Variants in WARS2 observed in about 807,000 individuals in gnomAD.
WARS2 encodes the protein tryptophan--tRNA ligase, mitochondrial.
A neutral mutation model predicts 36.5 loss-of-function variants in WARS2; 28 were observed. The ratio of observed to expected loss-of-function variants is 0.77; its 90% CI spans 0.57 to 1.05. The LOEUF (loss-of-function observed/expected upper bound fraction) is 1.05. Among genes scored for constraint, WARS2 ranks in the 50% least tolerant of loss-of-function variants. WARS2 has a pLI of 0.00. For missense variants in WARS2, 435 were observed against 456.8 expected, an observed-to-expected ratio of 0.95 and a Z score of 0.44; for synonymous variants, 174 against 178.4, an observed-to-expected ratio of 0.98 and a Z score of 0.20.
intron 2 of WARS2, among the ~76,000 whole-genome samples, chr1:119,066,442 C>T (rs1183831180): frequency 1.5e-5 from 2 of 137,180 alleles, no homozygotes; most frequent in Non-Finnish European, 3.0e-5. Flanking sequence ...CATGCCATTG[C>T]ACTCCAGCAT....
chr1:119,075,453 T>A (rs954647512), intron 2 of WARS2, among the ~76,000 whole-genome samples: 1 of 152,186 alleles, frequency 6.6e-6, no homozygotes, highest in Admixed American at 6.6e-5. Flanking sequence ...ATCATTATAC[T>A]CTTTTCGTTT....
intron 1 of WARS2, among the ~76,000 whole-genome samples, chr1:119,139,008 C>A (rs1293193405): frequency 1.3e-5 from 2 of 152,086 alleles, no homozygotes. Flanking sequence ...TTCTCTCTCT[C>A]TTTGATTCTC....
In WARS2 at chr1:119,120,149, G is replaced by A. The variant is rs753856680; in HGVS notation, c.90+20406C>T. Among the ~76,000 whole-genome samples, 7 of 151,752 alleles carry A rather than the reference G, an allele frequency of 4.6e-5. No individual in the cohort carries two copies. In the East Asian group the frequency reaches 5.8e-4, roughly 13 times the overall value. On this transcript the variant is annotated intron_variant, in intron 1 of 5. Transcript: ENST00000235521. ...GTTCTTTGAAAAGATAAACAAAATCGATACACATTAGTGAGATTAACCAAG... is the reference window on the plus strand; with the variant it reads ...GTTCTTTGAAAAGATAAACAAAATCAATACACATTAGTGAGATTAACCAAG...
intron 1 of WARS2, among the ~76,000 whole-genome samples, chr1:119,128,569 A>ACCCCCCCCCCCCCC (rs1655852001): frequency 1.3e-5 from 1 of 74,588 alleles, no homozygotes; most frequent in African/African-American, 5.2e-5. Flanking sequence ...AACATTCCCC[A>ACCCCCCCCCCCCCC]CCACCCACCC....
chr1:119,094,005 G>A (rs1653243709), intron 1 of WARS2, among the ~76,000 whole-genome samples: 1 of 152,192 alleles, frequency 6.6e-6, no homozygotes, highest in Non-Finnish European at 1.5e-5. Context: ...TAGTAGTGCT[G>A]AGAGGCAGGA....
At chr1:119,091,234 A>G (rs147738134) in intron 1 of WARS2, among the ~76,000 whole-genome samples, 1 of 152,338 alleles carries the variant, frequency 6.6e-6, no homozygotes, top group Non-Finnish European at 1.5e-5. Context: ...ATTGAGGTTA[A>G]TGGTAATAAT....
chr1:119,129,608 G>A (rs912025340), intron 1 of WARS2, among the ~76,000 whole-genome samples: 2 of 152,094 alleles, frequency 1.3e-5, no homozygotes, highest in Non-Finnish European at 2.9e-5. Context: ...TACGCAGGAA[G>A]CTGAGTATCA....
At chr1:119,056,852 C>A (rs183906364) in intron 2 of WARS2, among the ~76,000 whole-genome samples, 83 of 152,114 alleles carry the variant, frequency 5.5e-4, no homozygotes, top group Middle Eastern at 3.4e-3. Context: ...TTTTATACAA[C>A]TCTTTTTGTA....
intron 2 of WARS2, among the ~76,000 whole-genome samples, chr1:119,071,687 T>C (rs1215710572): frequency 1.3e-5 from 2 of 152,272 alleles, no homozygotes; most frequent in South Asian, 2.1e-4. Context: ...AATGGGAAGA[T>C]GTTGGTCAAA....
At chr1:119,104,682 C>T (rs587657022) in intron 1 of WARS2, among the ~76,000 whole-genome samples, 3 of 147,946 alleles carry the variant, frequency 2.0e-5, no homozygotes, top group South Asian at 2.1e-4. Context: ...TTAGATAGGA[C>T]GCACATGAAA....
intron 1 of WARS2, among the ~76,000 whole-genome samples, chr1:119,120,912 T>C (rs1250627237): frequency 6.6e-6 from 1 of 152,064 alleles, no homozygotes; most frequent in African/African-American, 2.4e-5. Flanking sequence ...ATAAAAGCCA[T>C]CTATGACAAA....
rs1489125631 is a variant in WARS2 at position 119,052,393 on chromosome 1, T to C, written c.349-6731A>G. ...GAAACTAGCAATTTATGCTGAGTTG[T>C]TTTTATTAGACTCTTACTATCCCCA... On this transcript the variant is annotated intron_variant, in intron 2 of 5. Transcript: ENST00000235521. Among the ~76,000 whole-genome samples, 4 of 152,338 alleles carry C rather than the reference T, an allele frequency of 2.6e-5. No homozygotes were observed. In the East Asian group the frequency reaches 7.7e-4, roughly 29 times the overall value.
chr1:119,127,814 A>C (rs762296898), intron 1 of WARS2, among the ~76,000 whole-genome samples: 35 of 151,866 alleles, frequency 2.3e-4, no homozygotes, highest in Non-Finnish European at 4.0e-4. Context: ...CAATCTCTCT[A>C]TCTTTACTTG....
chr1:119,039,140 C>T (rs1390233008), intron 4 of WARS2, among the ~76,000 whole-genome samples: 1 of 152,216 alleles, frequency 6.6e-6, no homozygotes, highest in Non-Finnish European at 1.5e-5. Flanking sequence ...ATGCCACCCA[C>T]TTATTTCATA....
chr1:119,093,081 C>T (rs1228617944), intron 1 of WARS2, among the ~76,000 whole-genome samples: 1 of 152,178 alleles, frequency 6.6e-6, no homozygotes, highest in East Asian at 1.9e-4. Context: ...TAAAATCCTT[C>T]ATAATCTGAC....
rs138281437 is a variant in WARS2, at chr1:119,126,252, T to G, written c.90+14303A>C. Among the ~76,000 whole-genome samples the G allele has an allele frequency of 7.7e-5, 10 of 129,232 alleles. No homozygotes were observed. The Admixed American group carries it at 8.5e-4, about 11-fold the overall frequency. 84.8% of individuals were successfully genotyped at this position (129,232 alleles called of 152,430 possible). Reference sequence around the variant, plus strand: ...CTCATTCTTCACTTATACCCCTTAATAGCTGAGCAGTTTTGAAAAAAAAAA... The same window carrying G: ...CTCATTCTTCACTTATACCCCTTAAGAGCTGAGCAGTTTTGAAAAAAAAAA... On this transcript the variant is annotated intron_variant, in intron 1 of 5. Coordinates refer to ENST00000235521, the MANE Select transcript of WARS2 (RefSeq NM_015836.4).
At chr1:119,091,830 G>C (rs1047855318) in intron 1 of WARS2, among the ~76,000 whole-genome samples, 1 of 152,138 alleles carries the variant, frequency 6.6e-6, no homozygotes, top group East Asian at 1.9e-4. Flanking sequence ...CCAATGTGTC[G>C]GCCTGGGAGC....
intron 4 of WARS2, 71 bp downstream of exon 4, chr1:119,042,193 G>T: frequency 6.9e-7 from 1 of 1,442,658 alleles, no homozygotes; most frequent in Non-Finnish European, 9.7e-7. Context: ...AACCAAGTCT[G>T]TATTGAATAG....
intron 1 of WARS2, among the ~76,000 whole-genome samples, chr1:119,122,455 T>C (rs1355614161): frequency 6.6e-6 from 1 of 152,160 alleles, no homozygotes; most frequent in Non-Finnish European, 1.5e-5. Context: ...GAATGTAAAC[T>C]AGTACAACCA....
Sources: allele counts gnomAD v4.1 joint callset (sites outside exome capture counted in the v4.1 genomes callset), GRCh38; gene constraint gnomAD v4.1.1; transcripts MANE v1.5; gene names NCBI Gene and HGNC (gene_info 2026-07-23, HGNC 2026-07-21).